LUZP2: variants seen among roughly 807,000 people sequenced by gnomAD.
LUZP2 encodes leucine zipper protein 2.
In LUZP2, 52 loss-of-function variants were observed where a neutral mutation model predicts 51.6. The observed-to-expected ratio is 1.01, with a 90% CI of 0.81 to 1.27. The LOEUF (loss-of-function observed/expected upper bound fraction) is 1.27, where lower values mean the gene tolerates loss of function less well. Among genes scored for constraint, LUZP2 ranks in the 50% most tolerant of loss-of-function variants. The pLI is 0.00. For synonymous variants in LUZP2, 154 were observed against 137.3 expected (o/e 1.12, Z -0.85); for missense variants, 436 against 395.4 (o/e 1.10, Z -0.87).
At chr11:24,723,830 CTGAAAAA>C (rs1280104166) in intron 1 of LUZP2, among the ~76,000 whole-genome samples, 12 of 151,774 alleles carry the variant, frequency 7.9e-5, no homozygotes, top group Admixed American at 2.0e-4. Flanking sequence ...GACCCTATCT[CTGAAAAA>C]TGAAAAATGA....
chr11:24,819,512 T>A (rs1364649257), intron 5 of LUZP2, among the ~76,000 whole-genome samples: 1 of 152,144 alleles, frequency 6.6e-6, no homozygotes, highest in Non-Finnish European at 1.5e-5. Flanking sequence ...CAGAAATCTC[T>A]ATAGGAATAC....
intron 5 of LUZP2, among the ~76,000 whole-genome samples, chr11:24,867,022 G>A (rs1851920378): frequency 6.6e-6 from 1 of 152,124 alleles, no homozygotes; most frequent in Admixed American, 6.5e-5. Flanking sequence ...GATAAAAGCT[G>A]AGTAATTCAA....
At chr11:24,602,471 C>T (rs1328763661) in intron 1 of LUZP2, among the ~76,000 whole-genome samples, 1 of 148,784 alleles carries the variant, frequency 6.7e-6, no homozygotes. Context: ...CACATGTGAT[C>T]TTTAATAAAG....
intron 5 of LUZP2, among the ~76,000 whole-genome samples, chr11:24,805,001 G>A (rs112351565): frequency 0.02 from 2,438 of 120,608 alleles, 70 homozygotes; most frequent in African/African-American, 0.065. Context: ...CACCACACCC[G>A]GCTAACTTTT....
At chr11:24,842,182 C>A (rs893872100) in intron 5 of LUZP2, among the ~76,000 whole-genome samples, 12 of 149,078 alleles carry the variant, frequency 8.0e-5, no homozygotes, top group Admixed American at 7.4e-4. Flanking sequence ...CACAGAGGGG[C>A]ATTATTTAAT....
At position 24,988,071 on chromosome 11, in the gene LUZP2, CCTAT is replaced by C. The variant is rs1225144413; in HGVS notation, c.765+4781_765+4784del. 3.3e-5 allele frequency among the ~76,000 whole-genome samples: 5 copies of C among 152,014 alleles called. No homozygotes were observed. The East Asian group carries it at 7.8e-4, about 24-fold the overall frequency. On this transcript the variant is annotated intron_variant, in intron 9 of 11. Coordinates refer to ENST00000336930, the MANE Select transcript of LUZP2 (RefSeq NM_001009909.4). The stretch of plus-strand genomic sequence containing the variant: ...AAAGGACTCTAAGAAGTAAGCTTGC[CCTAT>C]CTCTCTACTTCTCTGCTTCTAGAAG...
chr11:24,697,573 C>T (rs1412247629), intron 1 of LUZP2, among the ~76,000 whole-genome samples: 8 of 152,164 alleles, frequency 5.3e-5, no homozygotes, highest in Non-Finnish European at 1.2e-4. Context: ...GTAGTTTAAT[C>T]TTAAAGCAAG....
intron 5 of LUZP2, among the ~76,000 whole-genome samples, chr11:24,895,904 G>A (rs974950347): frequency 1.3e-5 from 2 of 152,196 alleles, no homozygotes; most frequent in Non-Finnish European, 1.5e-5. Context: ...AGTTCTTTGA[G>A]AAATCTTCAA....
chr11:25,021,970 A>G (rs1857346506), intron 9 of LUZP2, among the ~76,000 whole-genome samples: 1 of 151,790 alleles, frequency 6.6e-6, no homozygotes, highest in African/African-American at 2.4e-5. Context: ...ATTTTTCACC[A>G]CTCTTCATCC....
chr11:24,911,849 G>C (rs1229800157), intron 6 of LUZP2, among the ~76,000 whole-genome samples: 1 of 152,096 alleles, frequency 6.6e-6, no homozygotes, highest in Non-Finnish European at 1.5e-5. Context: ...GGTACTGAGG[G>C]GTCAATGTGA....
chr11:24,900,523 CTTAAA>C (rs1853244368), intron 5 of LUZP2, among the ~76,000 whole-genome samples: 1 of 152,150 alleles, frequency 6.6e-6, no homozygotes. Context: ...GCATTGCATT[CTTAAA>C]TTAAGTTCAG....
intron 6 of LUZP2, among the ~76,000 whole-genome samples, chr11:24,906,450 C>T (rs1056641492): frequency 1.1e-4 from 16 of 151,978 alleles, no homozygotes; most frequent in East Asian, 3.9e-4. Flanking sequence ...GTGAAGATTC[C>T]GGGCTTGTCC....
intron 1 of LUZP2, among the ~76,000 whole-genome samples, chr11:24,567,365 C>A (rs1048308957): frequency 2.0e-5 from 3 of 151,636 alleles, no homozygotes; most frequent in Non-Finnish European, 4.4e-5. Context: ...AGTAATACAC[C>A]AACATGCACA....
At chr11:25,042,075 A>G (rs918393958) in intron 9 of LUZP2, among the ~76,000 whole-genome samples, 1 of 152,312 alleles carries the variant, frequency 6.6e-6, no homozygotes, top group South Asian at 2.1e-4. Flanking sequence ...GGGGACCACC[A>G]CTTCAGTATA....
intron 9 of LUZP2, among the ~76,000 whole-genome samples, chr11:25,038,259 T>C (rs1297599104): frequency 6.6e-6 from 1 of 152,148 alleles, no homozygotes; most frequent in African/African-American, 2.4e-5. Context: ...GAACCATTAG[T>C]AGAGCTTTGA....
chr11:25,019,741 A>G (rs1562267), intron 9 of LUZP2, among the ~76,000 whole-genome samples: 88,876 of 151,906 alleles, frequency 0.59, 27,221 homozygotes, highest in African/African-American at 0.77. Flanking sequence ...TTAAGATTTT[A>G]TCATGCACAC....
chr11:24,914,834 A>G (rs1192890656), intron 7 of LUZP2, among the ~76,000 whole-genome samples: 2 of 152,174 alleles, frequency 1.3e-5, no homozygotes, highest in African/African-American at 4.8e-5. Flanking sequence ...TGAGAGACTT[A>G]CGCAAAGGTA....
At chr11:24,633,151 T>C (rs927181434) in intron 1 of LUZP2, among the ~76,000 whole-genome samples, 22 of 152,150 alleles carry the variant, frequency 1.4e-4, no homozygotes, top group African/African-American at 5.1e-4. Context: ...CATATGTATG[T>C]GGCATTTTTC....
chr11:24,795,081 G>A (rs570357599), intron 5 of LUZP2, among the ~76,000 whole-genome samples: 4 of 152,000 alleles, frequency 2.6e-5, no homozygotes, highest in Admixed American at 6.6e-5. Context: ...CAAAATGTTC[G>A]ACTTTACTGA....
Sources: allele counts gnomAD v4.1 joint callset (sites outside exome capture counted in the v4.1 genomes callset), GRCh38; gene constraint gnomAD v4.1.1; transcripts MANE v1.5; gene names NCBI Gene and HGNC (gene_info 2026-07-23, HGNC 2026-07-21).